The following DOCK3 variants were observed in gnomAD, a reference collection of about 807,000 sequenced individuals.
DOCK3 encodes the protein dedicator of cytokinesis protein 3.
In DOCK3, 60 loss-of-function variants were observed where a neutral mutation model predicts 265.6. That is an observed-to-expected ratio of 0.23 (90% CI 0.18 to 0.28). The LOEUF (loss-of-function observed/expected upper bound fraction) is 0.28. Among genes scored for constraint, DOCK3 ranks in the 10% least tolerant of loss-of-function variants. The probability of loss-of-function intolerance (pLI) is 1.00; values close to 1 mark genes in which losing one functional copy is unlikely to be tolerated. For synonymous variants in DOCK3, 881 were observed against 938.0 expected, an observed-to-expected ratio of 0.94 and a Z score of 1.11; for missense variants, 1,981 against 2,594.3, an observed-to-expected ratio of 0.76 and a Z score of 5.14.
intron 2 of DOCK3, among the ~76,000 whole-genome samples, chr3:50,822,838 A>G (rs2044522992): frequency 6.6e-6 from 1 of 152,164 alleles, no homozygotes; most frequent in Admixed American, 6.5e-5. Flanking sequence ...TGGTGGATAA[A>G]TATTCCTGCC....
intron 4 of DOCK3, among the ~76,000 whole-genome samples, chr3:50,899,151 CTGGGTGCTCCTGTAT>C (rs1443292177): frequency 6.6e-6 from 1 of 152,180 alleles, no homozygotes; most frequent in Admixed American, 6.6e-5. Flanking sequence ...CTTTATGAAT[CTGGGTGCTCCTGTAT>C]TGGGTGCATA....
At chr3:51,009,837 C>G (rs564304875) in intron 5 of DOCK3, among the ~76,000 whole-genome samples, 1 of 152,180 alleles carries the variant, frequency 6.6e-6, no homozygotes, top group Non-Finnish European at 1.5e-5. Context: ...TCTCTGGTTT[C>G]AAAGAACATC....
At chr3:51,143,514 C>T (rs1400425903) in intron 9 of DOCK3, among the ~76,000 whole-genome samples, 1 of 152,150 alleles carries the variant, frequency 6.6e-6, no homozygotes, top group Non-Finnish European at 1.5e-5. Flanking sequence ...AGGAGATCTA[C>T]CTGCCTCATC....
intron 5 of DOCK3, among the ~76,000 whole-genome samples, chr3:50,986,185 A>G (rs2077893558): frequency 6.6e-6 from 1 of 152,150 alleles, no homozygotes; most frequent in Admixed American, 6.5e-5. Context: ...TACAAGATAA[A>G]TGACCTATGA....
In DOCK3 at chr3:51,016,557, CATATATT is replaced by C. The variant is rs1363421395; in HGVS notation, c.316-47884_316-47878del. On this transcript the variant is annotated intron_variant, in intron 5 of 52. Coordinates refer to ENST00000266037, the MANE Select transcript of DOCK3 (RefSeq NM_004947.5). ...ATATGATATATATATTTATATATATCATATATTATATATATATTTATATATATCATAT... is the reference window on the plus strand; with the variant it reads ...ATATGATATATATATTTATATATATCATATATATATTTATATATATCATAT... Among the ~76,000 whole-genome samples, 24 of 6,624 alleles carry C rather than the reference CATATATT, an allele frequency of 3.6e-3. No individual in the cohort carries two copies. In the East Asian group the frequency reaches 0.33, roughly 92 times the overall value. The allele number at this position is 6,624 out of a possible 152,430, so 4.3% of individuals were successfully genotyped here.
At chr3:51,055,053 T>C (rs1461267105) in intron 5 of DOCK3, among the ~76,000 whole-genome samples, 1 of 152,220 alleles carries the variant, frequency 6.6e-6, no homozygotes, top group Non-Finnish European at 1.5e-5. Context: ...TGAATTGGGC[T>C]AGTATTTATC....
intron 26 of DOCK3, chr3:51,278,568 C>T: frequency 1.0e-6 from 1 of 984,610 alleles, no homozygotes. Flanking sequence ...AGAGTGTCTG[C>T]TCCTTTAGGA....
chr3:51,014,206 G>A (rs1349603633), intron 5 of DOCK3, among the ~76,000 whole-genome samples: 2 of 152,128 alleles, frequency 1.3e-5, no homozygotes, highest in Non-Finnish European at 2.9e-5. Context: ...GATGAATCAG[G>A]TACCTCAGTT....
chr3:51,348,890 G>A lies in DOCK3; in HGVS notation c.3954G>A (p.Ala1318=), dbSNP rs748476154. ...EFGIPLCREL[A]CQYESLYDYQ... is the part of the protein sequence containing the mutation. Reference sequence around the variant, plus strand: ...GGATCCCACTGTGCAGGGAGCTGGCGTGTCAGTACGAGAGCCTCTATGATT... The same window carrying A: ...GGATCCCACTGTGCAGGGAGCTGGCATGTCAGTACGAGAGCCTCTATGATT... The change falls in exon 39 of 53, where the codon GCG becomes GCA. Residue 1318 remains alanine (A), a synonymous_variant. Transcript: ENST00000266037. The A allele has an allele frequency of 1.2e-5, 19 of 1,585,186 alleles. No homozygotes were observed. Among genetic ancestry groups the A allele is most frequent in the East Asian group, 4.6e-5 (2 of 43,352 alleles).
chr3:50,995,691 T>G (rs761286414), intron 5 of DOCK3, among the ~76,000 whole-genome samples: 1 of 152,216 alleles, frequency 6.6e-6, no homozygotes, highest in South Asian at 2.1e-4. Context: ...TGAGAACAGT[T>G]CAGGAGGTGT....
chr3:50,804,475 G>T (rs976757276), intron 2 of DOCK3, among the ~76,000 whole-genome samples: 1 of 152,182 alleles, frequency 6.6e-6, no homozygotes, highest in African/African-American at 2.4e-5. Context: ...GCAAGACTCC[G>T]TCTGCAATCC....
At chr3:50,867,551 T>C (rs2047203568) in intron 3 of DOCK3, among the ~76,000 whole-genome samples, 1 of 152,048 alleles carries the variant, frequency 6.6e-6, no homozygotes, top group South Asian at 2.1e-4. Context: ...TTATACTAGC[T>C]GTGGGTCTGT....
At chr3:50,978,500 G>A (rs1398315545) in intron 5 of DOCK3, among the ~76,000 whole-genome samples, 8 of 152,264 alleles carry the variant, frequency 5.3e-5, no homozygotes, top group South Asian at 4.2e-4. Flanking sequence ...CAGTCTGCCC[G>A]TTCTCAGATC....
At chr3:50,756,879 C>A (rs552783533) in intron 1 of DOCK3, among the ~76,000 whole-genome samples, 1 of 152,080 alleles carries the variant, frequency 6.6e-6, no homozygotes, top group African/African-American at 2.4e-5. Context: ...ATTGTGTTAT[C>A]TTTTTTCTTT....
chr3:51,263,089 G>A (rs2079950256), intron 23 of DOCK3, among the ~76,000 whole-genome samples: 1 of 152,250 alleles, frequency 6.6e-6, no homozygotes, highest in South Asian at 2.1e-4. Flanking sequence ...GATACTCCTC[G>A]AGAAGAGCAG....
intron 46 of DOCK3, among the ~76,000 whole-genome samples, chr3:51,358,497 C>T (rs1357518308): frequency 1.8e-4 from 27 of 152,164 alleles, no homozygotes; most frequent in Admixed American, 1.8e-3. Flanking sequence ...TCCTCTCTCC[C>T]TGTCCTTCTT....
intron 9 of DOCK3, among the ~76,000 whole-genome samples, chr3:51,094,602 C>CA (rs911308099): frequency 1.2e-4 from 18 of 151,594 alleles, no homozygotes; most frequent in Non-Finnish European, 2.1e-4. Context: ...TTGATCTTTA[C>CA]AAAAAAATGA....
At chr3:50,705,898 G>C (rs2036381235) in intron 1 of DOCK3, among the ~76,000 whole-genome samples, 1 of 152,098 alleles carries the variant, frequency 6.6e-6, no homozygotes, top group Non-Finnish European at 1.5e-5. Context: ...GGGTGTGTTA[G>C]TGCACACTTG....
intron 9 of DOCK3, among the ~76,000 whole-genome samples, chr3:51,118,237 G>A (rs567310986): frequency 3.9e-5 from 6 of 152,152 alleles, no homozygotes; most frequent in Non-Finnish European, 8.8e-5. Flanking sequence ...TTCAGGAGCA[G>A]GTTGTTCAAT....
Sources: gnomAD v4.1 joint callset for allele counts (sites outside exome capture counted in the v4.1 genomes callset) on GRCh38, gnomAD v4.1.1 for gene constraint, MANE v1.5 for transcripts, NCBI Gene and HGNC (gene_info 2026-07-23, HGNC 2026-07-21) for gene names.